Variants in SPAG17 observed in about 807,000 individuals in gnomAD.
SPAG17 encodes the protein sperm-associated antigen 17.
In SPAG17, 169 loss-of-function variants were observed where a neutral mutation model predicts 273.6. The ratio of observed to expected loss-of-function variants is 0.62; its 90% CI spans 0.55 to 0.70. The LOEUF (loss-of-function observed/expected upper bound fraction) is 0.70. Among genes scored for constraint, SPAG17 ranks in the 30% least tolerant of loss-of-function variants. The pLI is 0.00. For synonymous variants in SPAG17, 825 were observed against 873.2 expected (o/e 0.94, Z 0.97); for missense variants, 2,557 against 2,627.8 (o/e 0.97, Z 0.59).
rs747670880 is a variant in SPAG17 at position 118,039,275 on chromosome 1, A to G, written c.3319+17T>C. 1.2e-6 allele frequency: 2 copies of G among 1,609,876 alleles called. No homozygotes were observed. The highest frequency in any genetic ancestry group is 2.2e-5 in the South Asian group (2 of 90,462). On this transcript the variant is annotated intron_variant, in intron 23 of 48. Transcript: ENST00000336338. ...GAGTATTAGTCAGAAGAAAGAAACC[A>G]CTAAACAGCAGCTTACCCGTTTCAA... is the stretch of plus-strand genomic sequence containing the variant.
intron 48 of SPAG17, chr1:117,960,970 A>C (rs1456894344): frequency 6.6e-6 from 1 of 152,124 alleles, no homozygotes; most frequent in Non-Finnish European, 1.5e-5. Flanking sequence ...GATCTCCAAA[A>C]ATTTTTCCAA....
At chr1:118,129,031 C>T (rs1570744450) in intron 3 of SPAG17, among the ~76,000 whole-genome samples, 1 of 152,176 alleles carries the variant, frequency 6.6e-6, no homozygotes, top group African/African-American at 2.4e-5. Flanking sequence ...CATGACAAAG[C>T]TCTGGGAAGA....
chr1:118,027,984 C>T (rs888545816), intron 26 of SPAG17, among the ~76,000 whole-genome samples: 7 of 152,134 alleles, frequency 4.6e-5, no homozygotes, highest in Admixed American at 1.3e-4. Flanking sequence ...TTCAGCTCTG[C>T]CACTTGGGAG....
At chr1:118,028,025 C>T (rs1299292321) in intron 26 of SPAG17, among the ~76,000 whole-genome samples, 4 of 152,130 alleles carry the variant, frequency 2.6e-5, no homozygotes, top group Non-Finnish European at 5.9e-5. Context: ...AACTGAACCT[C>T]CTGAAGCCTC....
At chr1:117,968,381 A>G (rs1380545321) in intron 46 of SPAG17, among the ~76,000 whole-genome samples, 1 of 152,164 alleles carries the variant, frequency 6.6e-6, no homozygotes, top group Admixed American at 6.5e-5. Flanking sequence ...AGATTTGCTA[A>G]CTTCCCAGAA....
At chr1:118,148,275 G>A (rs1322665269) in intron 3 of SPAG17, among the ~76,000 whole-genome samples, 3 of 152,156 alleles carry the variant, frequency 2.0e-5, no homozygotes, top group Non-Finnish European at 4.4e-5. Flanking sequence ...AAAGAATGAA[G>A]CCACTGACTT....
intron 23 of SPAG17, 102 bp from the exon 24 acceptor site, chr1:118,036,985 C>A: frequency 1.3e-6 from 1 of 755,972 alleles, no homozygotes; most frequent in Non-Finnish European, 2.2e-6. Context: ...GCTGCTCTAC[C>A]ACAATCAACT....
intron 1 of SPAG17, among the ~76,000 whole-genome samples, chr1:118,172,364 T>C (rs944070867): frequency 5.9e-5 from 9 of 152,088 alleles, no homozygotes; most frequent in Non-Finnish European, 1.5e-5. Flanking sequence ...GAGTAGTGGG[T>C]CGGGCTGGGT....
intron 36 of SPAG17, 80 bp from the exon 37 acceptor site, chr1:117,991,608 A>G (rs765132677): frequency 2.4e-6 from 2 of 830,058 alleles, no homozygotes; most frequent in Non-Finnish European, 3.8e-6. Context: ...TCAACTTGAA[A>G]TATTACAAAA....
chr1:118,116,986 G>A (rs997447494), intron 3 of SPAG17, among the ~76,000 whole-genome samples: 5 of 152,216 alleles, frequency 3.3e-5, no homozygotes, highest in African/African-American at 1.2e-4. Flanking sequence ...GATCCCACGT[G>A]GAAGGGGATC....
chr1:117,976,650 C>G (rs1204125676), intron 43 of SPAG17, among the ~76,000 whole-genome samples: 2 of 152,154 alleles, frequency 1.3e-5, no homozygotes, highest in Non-Finnish European at 2.9e-5. Flanking sequence ...GTGTGGCATT[C>G]TTGGAATACA....
intron 19 of SPAG17, among the ~76,000 whole-genome samples, chr1:118,054,307 T>A (rs1293070712): frequency 6.6e-6 from 1 of 152,078 alleles, no homozygotes; most frequent in Non-Finnish European, 1.5e-5. Flanking sequence ...GGACAGTGCA[T>A]TCCATTCTCA....
chr1:118,017,245 T>C (rs141985570), intron 28 of SPAG17, among the ~76,000 whole-genome samples: 148 of 152,290 alleles, frequency 9.7e-4, no homozygotes, highest in African/African-American at 3.4e-3. Context: ...ACTTTAGGAA[T>C]TATCTTTTTT....
chr1:117,996,244 T>G (rs1048779561), intron 34 of SPAG17, 126 bp downstream of exon 34: 7 of 1,142,064 alleles, frequency 6.1e-6, no homozygotes, highest in Admixed American at 2.5e-5. Flanking sequence ...TGCTCTACTT[T>G]CCAAAGTAGA....
chr1:118,164,941 G>A (rs193175302), intron 1 of SPAG17, among the ~76,000 whole-genome samples: 35 of 152,224 alleles, frequency 2.3e-4, no homozygotes, highest in African/African-American at 7.9e-4. Context: ...TTTCAAACAC[G>A]TCCTGTGTTT....
intron 32 of SPAG17, among the ~76,000 whole-genome samples, chr1:118,003,160 C>G (rs1309513587): frequency 1.3e-5 from 2 of 152,232 alleles, no homozygotes; most frequent in African/African-American, 4.8e-5. Flanking sequence ...GGCCCCCACT[C>G]TCTTCTGGCT....
Position 118,090,994 on chromosome 1 carries a change from T to G in SPAG17, c.1359+612A>C, listed in dbSNP as rs181540854. Among the ~76,000 whole-genome samples the G allele has an allele frequency of 2.0e-5, 3 of 152,246 alleles. No individual in the cohort carries two copies. In the East Asian group the frequency reaches 5.8e-4, roughly 29 times the overall value. On this transcript the variant is annotated intron_variant, in intron 10 of 48. Coordinates refer to ENST00000336338, the MANE Select transcript of SPAG17 (RefSeq NM_206996.4). ...TTGATCAATGAAACCAAATCCTGGT[T>G]CTTTGAAAAGACCAATACAATAGCT...
chr1:118,086,031 C>T lies in SPAG17; in HGVS notation c.1653G>A (p.Met551Ile), dbSNP rs1370307290. 6.2e-7 allele frequency: 1 copy of T among 1,613,614 alleles called. No individual in the cohort carries two copies. Among genetic ancestry groups the T allele is most frequent in the Non-Finnish European group, 8.5e-7 (1 of 1,179,900 alleles). The change falls in exon 13 of 49, where the codon ATG (methionine) becomes ATA (isoleucine). Residue 551 changes from methionine (M) to isoleucine (I), a missense_variant. Transcript: ENST00000336338. ...ATTCCCACAGTGGCAACTTGGACTGCATCTCCTGCTCAATTTGAACTGGAT... is the reference window on the plus strand; with the variant it reads ...ATTCCCACAGTGGCAACTTGGACTGTATCTCCTGCTCAATTTGAACTGGAT... ...NFDPVQIEQE[M>I]QSKLPLWEFL...
In SPAG17 at chr1:118,177,417, C is replaced by A. The variant is rs536668168; in HGVS notation, c.87+7654G>T. ...ACCACCCCTATGATTCAATTATCTT[C>A]ATCTGGTCTCTCTTGACACATGGGG... On this transcript the variant is annotated intron_variant, in intron 1 of 48. Transcript: ENST00000336338. Among the ~76,000 whole-genome samples the A allele has an allele frequency of 9.2e-5, 14 of 152,230 alleles. No individual in the cohort carries two copies. The East Asian group carries it at 2.7e-3, about 29-fold the overall frequency.
Sources: allele counts gnomAD v4.1 joint callset (sites outside exome capture counted in the v4.1 genomes callset), GRCh38; gene constraint gnomAD v4.1.1; transcripts MANE v1.5; gene names NCBI Gene and HGNC (gene_info 2026-07-23, HGNC 2026-07-21).